Variants in C2CD5 observed in about 807,000 individuals in gnomAD.
The protein encoded by C2CD5 is C2 domain-containing protein 5.
In C2CD5, 109 loss-of-function variants were observed where a neutral mutation model predicts 130.3. That is an observed-to-expected ratio of 0.84 (90% CI 0.72 to 0.98). The LOEUF (loss-of-function observed/expected upper bound fraction) is 0.98. Ranked by LOEUF, C2CD5 falls within the 50% of genes least tolerant of loss-of-function variation. The pLI is 0.00. For missense variants in C2CD5, 996 were observed against 1,261.8 expected (o/e 0.79, Z 3.19); for synonymous variants, 454 against 429.2 (o/e 1.06, Z -0.71).
At chr12:22,453,556 C>T (rs1047676117) in intron 26 of C2CD5, among the ~76,000 whole-genome samples, 1 of 152,122 alleles carries the variant, frequency 6.6e-6, no homozygotes, top group Non-Finnish European at 1.5e-5. Flanking sequence ...TGAAACTGGA[C>T]AGCATCATAG....
intron 12 of C2CD5, among the ~76,000 whole-genome samples, chr12:22,488,505 G>A (rs1453432710): frequency 1.3e-5 from 2 of 150,702 alleles, no homozygotes; most frequent in Non-Finnish European, 2.9e-5. Flanking sequence ...TATTGTATTC[G>A]TCCAAGCCAC....
At chr12:22,484,122 G>A (rs1945125741) in intron 13 of C2CD5, among the ~76,000 whole-genome samples, 2 of 152,128 alleles carry the variant, frequency 1.3e-5, no homozygotes, top group Non-Finnish European at 2.9e-5. Flanking sequence ...AACATAGAAG[G>A]TGTAGCATCA....
At chr12:22,483,028 TAA>T (rs1437526639) in intron 13 of C2CD5, among the ~76,000 whole-genome samples, 2 of 152,070 alleles carry the variant, frequency 1.3e-5, no homozygotes, top group Non-Finnish European at 2.9e-5. Flanking sequence ...TTAAAATAAC[TAA>T]AAGAGTATAA....
chr12:22,506,899 G>A, intron 9 of C2CD5, 80 bp from the exon 10 acceptor site: 1 of 806,180 alleles, frequency 1.2e-6, no homozygotes, highest in Non-Finnish European at 2.2e-6. Context: ...GCTTGCCATA[G>A]CAACTGTATT....
intron 22 of C2CD5, among the ~76,000 whole-genome samples, chr12:22,463,161 CGGAT>C (rs1387616385): frequency 1.3e-5 from 2 of 151,738 alleles, no homozygotes; most frequent in Non-Finnish European, 2.9e-5. Flanking sequence ...CCAAGGCAGG[CGGAT>C]CACTTGAGGT....
chr12:22,460,729 C>G (rs1235910928), intron 22 of C2CD5: 1 of 151,948 alleles, frequency 6.6e-6, no homozygotes, highest in East Asian at 1.9e-4. Context: ...AGGCACCCAC[C>G]ACCACGCCCG....
chr12:22,540,194 A>C (rs143019079), intron 2 of C2CD5, among the ~76,000 whole-genome samples: 19 of 152,328 alleles, frequency 1.2e-4, no homozygotes, highest in Middle Eastern at 3.4e-3. Flanking sequence ...TGAGATGCCA[A>C]AACTACACAA....
At chr12:22,517,860 A>G in intron 8 of C2CD5, 126 bp downstream of exon 8, 1 of 641,434 alleles carries the variant, frequency 1.6e-6, no homozygotes, top group Non-Finnish European at 2.6e-6. Flanking sequence ...GAAAATGGTC[A>G]GTATTCACAT....
intron 24 of C2CD5, among the ~76,000 whole-genome samples, chr12:22,457,541 T>C (rs1166091585): frequency 1.3e-5 from 2 of 152,148 alleles, no homozygotes; most frequent in Non-Finnish European, 2.9e-5. Flanking sequence ...CAGTGCAATT[T>C]TTCCATCTTT....
rs1450813012 is a variant in C2CD5 at position 22,469,776 on chromosome 12, T to C, written c.2466A>G (p.Glu822=). ...ACAGTTCCAGTGGAAATTGTAAAAG[T>C]TCTTCATTATCTGTTGAGGCTAGAA... ...SLQRASTDNE[E]LLQFPLELCS... is the part of the protein sequence containing the mutation. Residue 822 remains glutamate (E), a synonymous_variant, in exon 22 of 27, where the codon GAA becomes GAG. Transcript: ENST00000446597. 6.2e-7 allele frequency: 1 copy of C among 1,601,186 alleles called. No homozygotes were observed.
chr12:22,515,021 A>C, intron 8 of C2CD5: 2 of 985,362 alleles, frequency 2.0e-6, no homozygotes, highest in East Asian at 1.1e-4. Flanking sequence ...TGGGCTGACA[A>C]GGCTAGAATG....
intron 22 of C2CD5, among the ~76,000 whole-genome samples, chr12:22,461,435 C>A (rs1426694386): frequency 1.3e-5 from 2 of 152,142 alleles, no homozygotes; most frequent in East Asian, 1.9e-4. Context: ...CTAGTAGGAA[C>A]TGCATATATT....
intron 12 of C2CD5, among the ~76,000 whole-genome samples, chr12:22,487,338 T>A (rs907048798): frequency 6.6e-6 from 1 of 151,656 alleles, no homozygotes; most frequent in Non-Finnish European, 1.5e-5. Context: ...GAATCTACAA[T>A]GAACTCAAAC....
At chr12:22,480,110 C>G (rs1944482275) in intron 14 of C2CD5, among the ~76,000 whole-genome samples, 1 of 152,162 alleles carries the variant, frequency 6.6e-6, no homozygotes, top group African/African-American at 2.4e-5. Context: ...AACCAGGGAA[C>G]CCCCTTCTCT....
chr12:22,499,828 T>C (rs973174837), intron 10 of C2CD5, among the ~76,000 whole-genome samples: 5 of 152,212 alleles, frequency 3.3e-5, no homozygotes, highest in South Asian at 4.1e-4. Flanking sequence ...ATAAGCAGCA[T>C]GATAAGTAAA....
chr12:22,532,619 A>G (rs1174378964), intron 3 of C2CD5, among the ~76,000 whole-genome samples: 3 of 152,216 alleles, frequency 2.0e-5, no homozygotes, highest in Non-Finnish European at 4.4e-5. Flanking sequence ...ACACTAAAAG[A>G]AAGATCACGG....
chr12:22,463,039 G>A (rs755787199), intron 22 of C2CD5, among the ~76,000 whole-genome samples: 2 of 151,476 alleles, frequency 1.3e-5, no homozygotes, highest in Non-Finnish European at 2.9e-5. Context: ...AGCCAAGATC[G>A]CAGCACTGCA....
chr12:22,477,092 C>T (rs1433928342), intron 15 of C2CD5, among the ~76,000 whole-genome samples: 1 of 151,972 alleles, frequency 6.6e-6, no homozygotes, highest in African/African-American at 2.4e-5. Context: ...AAGCCACATA[C>T]ATAATAAAGT....
chr12:22,487,235 C>T (rs1201574697), intron 12 of C2CD5, among the ~76,000 whole-genome samples: 4 of 152,076 alleles, frequency 2.6e-5, no homozygotes, highest in Non-Finnish European at 5.9e-5. Flanking sequence ...AGCTTCTGCA[C>T]AGCAAAAGAA....
Sources: gnomAD v4.1 joint callset for allele counts (sites outside exome capture counted in the v4.1 genomes callset) on GRCh38, gnomAD v4.1.1 for gene constraint, MANE v1.5 for transcripts, NCBI Gene and HGNC (gene_info 2026-07-23, HGNC 2026-07-21) for gene names.